The following LRRTM4 variants were observed in gnomAD, a reference collection of about 807,000 sequenced individuals.
The protein encoded by LRRTM4 is leucine-rich repeat transmembrane neuronal protein 4.
LRRTM4 carries 25 observed loss-of-function variants against 47.6 expected under a neutral mutation model. The ratio of observed to expected loss-of-function variants is 0.53; its 90% CI spans 0.38 to 0.73. The LOEUF is 0.73. Among genes scored for constraint, LRRTM4 ranks in the 30% least tolerant of loss-of-function variants. LRRTM4 has a pLI of 0.00. For missense variants in LRRTM4, 638 were observed against 713.4 expected (o/e 0.89, Z 1.20); for synonymous variants, 311 against 269.5 (o/e 1.15, Z -1.51).
chr2:77,007,727 T>G (rs7597923), intron 3 of LRRTM4, among the ~76,000 whole-genome samples: 83,968 of 151,988 alleles, frequency 0.55, 25,410 homozygotes, highest in African/African-American at 0.8. Flanking sequence ...CTTGCAATGG[T>G]TCGGTGGAAA....
chr2:76,916,263 T>TA (rs1475469628), intron 3 of LRRTM4, among the ~76,000 whole-genome samples: 1 of 151,580 alleles, frequency 6.6e-6, no homozygotes, highest in African/African-American at 2.4e-5. Context: ...CGGGCGCCTG[T>TA]AGTCCCAGCT....
chr2:77,494,587 C>T (rs1022206375), intron 3 of LRRTM4, among the ~76,000 whole-genome samples: 2 of 136,960 alleles, frequency 1.5e-5, no homozygotes, highest in Non-Finnish European at 3.3e-5. Flanking sequence ...CTGCTTTTCC[C>T]ATTTTTTTTT....
chr2:77,070,371 AG>A lies in LRRTM4; in HGVS notation c.1552-321456del, dbSNP rs1298555203. Among the ~76,000 whole-genome samples, 3 of 152,244 alleles carry A rather than the reference AG, an allele frequency of 2.0e-5. No individual in the cohort carries two copies. The East Asian group carries it at 5.8e-4, about 29-fold the overall frequency. On this transcript the variant is annotated intron_variant, in intron 3 of 3. Coordinates refer to ENST00000409884, the MANE Select transcript of LRRTM4 (RefSeq NM_001134745.3). ...CTTTATTGAGAGACAAATTTTCAGA[AG>A]TCCTTTCTCTGCCATTTTCATGGAT... is the stretch of plus-strand genomic sequence containing the variant.
intron 3 of LRRTM4, among the ~76,000 whole-genome samples, chr2:77,172,236 T>C (rs1247679997): frequency 6.6e-6 from 1 of 152,166 alleles, no homozygotes; most frequent in Non-Finnish European, 1.5e-5. Flanking sequence ...ATGTTGGGAA[T>C]ACATATTCAC....
chr2:77,335,377 G>A (rs537104779), intron 3 of LRRTM4, among the ~76,000 whole-genome samples: 1 of 152,154 alleles, frequency 6.6e-6, no homozygotes, highest in Non-Finnish European at 1.5e-5. Flanking sequence ...GTTCTTCCTT[G>A]TTGATCCTTC....
At chr2:77,303,089 C>T (rs1677174538) in intron 3 of LRRTM4, among the ~76,000 whole-genome samples, 1 of 152,062 alleles carries the variant, frequency 6.6e-6, no homozygotes, top group Non-Finnish European at 1.5e-5. Flanking sequence ...GAGCACTATG[C>T]TATGTATCTG....
intron 3 of LRRTM4, among the ~76,000 whole-genome samples, chr2:77,272,195 A>G (rs1002455100): frequency 6.6e-6 from 1 of 152,114 alleles, no homozygotes; most frequent in African/African-American, 2.4e-5. Context: ...TTTTGGTAAT[A>G]ATTTTGGGGT....
chr2:76,806,512 C>T (rs6726439), intron 3 of LRRTM4, among the ~76,000 whole-genome samples: 113 of 152,046 alleles, frequency 7.4e-4, no homozygotes, highest in Middle Eastern at 3.4e-3. Flanking sequence ...ACCCAGCTGG[C>T]GGAGGTTGCA....
rs371291433 is a variant in LRRTM4, at chr2:76,975,033, A to C, written c.1552-226117T>G. 7.2e-5 allele frequency among the ~76,000 whole-genome samples: 11 copies of C among 151,800 alleles called. 1 individual carries two copies. The East Asian group carries it at 1.4e-3, about 19-fold the overall frequency. On this transcript the variant is annotated intron_variant, in intron 3 of 3. Coordinates refer to ENST00000409884, the MANE Select transcript of LRRTM4 (RefSeq NM_001134745.3). ...TCTATAAATATCCTATGAGCTATGT[A>C]CAGTGATATGCTGATCAGTGGTTAA... is the stretch of plus-strand genomic sequence containing the variant.
In LRRTM4 at chr2:77,067,555, G is replaced by A. The variant is rs974218747; in HGVS notation, c.1552-318639C>T. 3.6e-4 allele frequency among the ~76,000 whole-genome samples: 54 copies of A among 151,966 alleles called. 1 individual carries two copies. The highest frequency in any genetic ancestry group is 2.1e-4 in the South Asian group (1 of 4,808). ...CTTTTTAAGTATCAGATGGAATACC[G>A]TAGAAAACAGATCAATGATTTAGAA... is the stretch of plus-strand genomic sequence containing the variant. On this transcript the variant is annotated intron_variant, in intron 3 of 3. Coordinates refer to ENST00000409884, the MANE Select transcript of LRRTM4 (RefSeq NM_001134745.3).
intron 3 of LRRTM4, among the ~76,000 whole-genome samples, chr2:76,999,542 C>T (rs1335911589): frequency 6.6e-6 from 1 of 151,890 alleles, no homozygotes. Flanking sequence ...ATATATTGAG[C>T]CTAGGCGGGC....
chr2:77,507,764 C>G (rs1228643124), intron 3 of LRRTM4, among the ~76,000 whole-genome samples: 2 of 151,978 alleles, frequency 1.3e-5, no homozygotes, highest in Non-Finnish European at 2.9e-5. Context: ...CAGCTACTAT[C>G]AAATTGGAAT....
intron 3 of LRRTM4, among the ~76,000 whole-genome samples, chr2:76,901,871 T>G (rs1047014049): frequency 3.3e-5 from 5 of 152,158 alleles, no homozygotes; most frequent in Admixed American, 6.5e-5. Flanking sequence ...CTGTGTGCAT[T>G]TGAGGAGTAT....
intron 3 of LRRTM4, among the ~76,000 whole-genome samples, chr2:76,771,052 T>G (rs2104112326): frequency 6.6e-6 from 1 of 152,332 alleles, no homozygotes; most frequent in Middle Eastern, 3.4e-3. Context: ...TGTTTAATGA[T>G]GTTATTCCTA....
At chr2:77,182,202 A>C (rs1673366279) in intron 3 of LRRTM4, among the ~76,000 whole-genome samples, 1 of 152,244 alleles carries the variant, frequency 6.6e-6, no homozygotes, top group Non-Finnish European at 1.5e-5. Flanking sequence ...CTGGATAAAG[A>C]AAATGTGGTA....
chr2:77,079,038 A>G (rs1053936816), intron 3 of LRRTM4, among the ~76,000 whole-genome samples: 8 of 152,140 alleles, frequency 5.3e-5, no homozygotes, highest in Non-Finnish European at 7.4e-5. Context: ...CTCGCGATCT[A>G]ACACTTCCCC....
chr2:77,444,946 CACAT>C (rs1309911503), intron 3 of LRRTM4, among the ~76,000 whole-genome samples: 3,843 of 119,472 alleles, frequency 0.032, 69 homozygotes, highest in Non-Finnish European at 0.04. Flanking sequence ...CACACACACA[CACAT>C]ACACACACAC....
At chr2:77,067,821 CTT>C (rs1177453182) in intron 3 of LRRTM4, among the ~76,000 whole-genome samples, 6 of 151,706 alleles carry the variant, frequency 4.0e-5, no homozygotes, top group Admixed American at 3.9e-4. Context: ...CAGAAAGTCT[CTT>C]AGTGGATGTA....
At chr2:76,831,632 A>C (rs1054209884) in intron 3 of LRRTM4, among the ~76,000 whole-genome samples, 3 of 152,074 alleles carry the variant, frequency 2.0e-5, no homozygotes, top group Non-Finnish European at 2.9e-5. Flanking sequence ...GAAATGGTTT[A>C]CTCCAAATCC....
Sources: allele counts gnomAD v4.1 joint callset (sites outside exome capture counted in the v4.1 genomes callset), GRCh38; gene constraint gnomAD v4.1.1; transcripts MANE v1.5; gene names NCBI Gene and HGNC (gene_info 2026-07-23, HGNC 2026-07-21).